Variants in XIRP2 observed in about 807,000 individuals in gnomAD.
XIRP2 encodes the protein xin actin-binding repeat-containing protein 2.
A neutral mutation model predicts 277.0 loss-of-function variants in XIRP2; 236 were observed. The observed-to-expected ratio is 0.85, with a 90% CI of 0.77 to 0.95. The LOEUF (loss-of-function observed/expected upper bound fraction) is 0.95. Ranked by LOEUF, XIRP2 falls within the 40% of genes least tolerant of loss-of-function variation. XIRP2 has a pLI of 0.00. For missense variants in XIRP2, 4,640 were observed against 4,157.5 expected (o/e 1.12, Z -3.19); for synonymous variants, 1,490 against 1,416.5 (o/e 1.05, Z -1.17).
chr2:167,054,239 G>T (rs1202938154), intron 2 of XIRP2, among the ~76,000 whole-genome samples: 1 of 152,086 alleles, frequency 6.6e-6, no homozygotes, highest in Non-Finnish European at 1.5e-5. Context: ...TTTCAACATA[G>T]TTTTTTTCAC....
intron 3 of XIRP2, among the ~76,000 whole-genome samples, chr2:167,151,847 A>C (rs1692025195): frequency 6.6e-6 from 1 of 152,164 alleles, no homozygotes; most frequent in Non-Finnish European, 1.5e-5. Context: ...CTAGGGACAA[A>C]GGAACCATTT....
chr2:167,207,727 A>C (rs1693899340), intron 3 of XIRP2, among the ~76,000 whole-genome samples: 1 of 152,206 alleles, frequency 6.6e-6, no homozygotes. Flanking sequence ...TTAAGAATGT[A>C]GAAATGGGCA....
chr2:167,161,625 C>G (rs988361820), intron 3 of XIRP2, among the ~76,000 whole-genome samples: 1 of 152,212 alleles, frequency 6.6e-6, no homozygotes, highest in African/African-American at 2.4e-5. Flanking sequence ...CCACACACAG[C>G]AAGGGAACCC....
intron 3 of XIRP2, among the ~76,000 whole-genome samples, chr2:167,139,878 T>C (rs909426394): frequency 1.3e-5 from 2 of 152,212 alleles, no homozygotes; most frequent in African/African-American, 2.4e-5. Context: ...GCTAATTTCA[T>C]TGAATTTTAA....
intron 3 of XIRP2, among the ~76,000 whole-genome samples, chr2:167,146,921 T>G (rs747365677): frequency 2.0e-5 from 3 of 152,108 alleles, no homozygotes; most frequent in Non-Finnish European, 4.4e-5. Context: ...GATAACCAAC[T>G]GCTCAATAGT....
intron 3 of XIRP2, among the ~76,000 whole-genome samples, chr2:167,141,844 G>C (rs1391432934): frequency 6.6e-6 from 1 of 151,930 alleles, no homozygotes; most frequent in African/African-American, 2.4e-5. Flanking sequence ...CTGGGTGACA[G>C]AGCAAGACCC....
chr2:167,081,093 T>C (rs1348831153), intron 2 of XIRP2, among the ~76,000 whole-genome samples: 1 of 152,144 alleles, frequency 6.6e-6, no homozygotes, highest in Non-Finnish European at 1.5e-5. Flanking sequence ...ATAAAATAAC[T>C]ATATATAACT....
At chr2:166,954,721 T>C (rs905852310) in intron 2 of XIRP2, among the ~76,000 whole-genome samples, 2 of 151,928 alleles carry the variant, frequency 1.3e-5, no homozygotes, top group African/African-American at 4.8e-5. Context: ...ATATACACCA[T>C]AGAATACTAC....
intron 4 of XIRP2, among the ~76,000 whole-genome samples, chr2:167,215,749 G>A (rs1694227773): frequency 6.6e-6 from 1 of 152,156 alleles, no homozygotes; most frequent in Non-Finnish European, 1.5e-5. Flanking sequence ...GAGGAGGGAA[G>A]GCTGGCATGG....
intron 3 of XIRP2, among the ~76,000 whole-genome samples, chr2:167,186,780 G>C (rs1468570465): frequency 6.6e-6 from 1 of 150,808 alleles, no homozygotes; most frequent in Non-Finnish European, 1.5e-5. Flanking sequence ...ATTCTCTCTA[G>C]AATTCCTTTC....
At chr2:167,026,529 G>T (rs1688165724) in intron 2 of XIRP2, among the ~76,000 whole-genome samples, 1 of 152,096 alleles carries the variant, frequency 6.6e-6, no homozygotes, top group Admixed American at 6.6e-5. Flanking sequence ...CTCATTAGTT[G>T]ATGCAGTTTC....
In XIRP2 at chr2:167,251,089, G is replaced by A; in HGVS notation, c.9697G>A (p.Asp3233Asn). 6.2e-7 allele frequency: 1 copy of A among 1,613,560 alleles called. No individual in the cohort carries two copies. Among genetic ancestry groups the A allele is most frequent in the Non-Finnish European group, 8.5e-7 (1 of 1,179,740 alleles). Residue 3233 changes from aspartate (D) to asparagine (N), a missense_variant, in exon 9 of 11, where the codon GAC (aspartate) becomes AAC (asparagine). Physicochemically the swap from Asp to Asn is conservative, Grantham distance 23. Coordinates refer to ENST00000409195, the MANE Select transcript of XIRP2 (RefSeq NM_152381.6). ...RQIKIETRGR[D>N]SPPTITIPVN... ...AATTAAGATAGAAACTCGTGGTAGG[G>A]ACTCTCCACCTACAATCACAATACC...
chr2:167,244,099 G>A lies in XIRP2; in HGVS notation c.2707G>A (p.Glu903Lys), dbSNP rs1291894100. The change falls in exon 9 of 11, where the codon GAA (glutamate) becomes AAA (lysine). Residue 903 changes from glutamate to lysine, a missense_variant. Physicochemically the swap from Glu to Lys is moderately conservative, Grantham distance 56. Transcript: ENST00000409195. ...AAAGCTTCAAAAAATCACTGCCTCT[G>A]AAGAAGAAAAAGGGGATGTTAGGCA... ...IGKLQKITAS[E>K]EEKGDVRHQK... 1.2e-6 allele frequency: 2 copies of A among 1,613,928 alleles called. No homozygotes were observed. Among genetic ancestry groups the A allele is most frequent in the East Asian group, 4.5e-5 (2 of 44,850 alleles).
chr2:166,937,885 A>G (rs1186240448), intron 2 of XIRP2, among the ~76,000 whole-genome samples: 1 of 152,066 alleles, frequency 6.6e-6, no homozygotes, highest in African/African-American at 2.4e-5. Flanking sequence ...ATTTGTATAG[A>G]GGTGTTTATA....
intron 2 of XIRP2, among the ~76,000 whole-genome samples, chr2:167,129,031 T>C (rs1691297935): frequency 6.6e-6 from 1 of 152,122 alleles, no homozygotes; most frequent in Admixed American, 6.5e-5. Flanking sequence ...ATATTTTTAA[T>C]ACATAGTGGG....
chr2:167,211,982 A>C (rs759574888), intron 4 of XIRP2, among the ~76,000 whole-genome samples: 3 of 152,202 alleles, frequency 2.0e-5, no homozygotes, highest in Non-Finnish European at 4.4e-5. Context: ...AAAGAGAGAG[A>C]GAGAAAAGCC....
intron 3 of XIRP2, among the ~76,000 whole-genome samples, chr2:167,173,956 G>A (rs1692768386): frequency 6.6e-6 from 1 of 152,152 alleles, no homozygotes; most frequent in Non-Finnish European, 1.5e-5. Context: ...GCATCCCAGG[G>A]ATGAAGCCAA....
chr2:167,001,696 C>T (rs898571363), intron 2 of XIRP2, among the ~76,000 whole-genome samples: 2 of 152,026 alleles, frequency 1.3e-5, no homozygotes, highest in East Asian at 1.9e-4. Flanking sequence ...TTTGTAAGTG[C>T]CCCTAGTACA....
intron 2 of XIRP2, among the ~76,000 whole-genome samples, chr2:166,979,286 A>G (rs114976956): frequency 0.038 from 5,731 of 152,106 alleles, 148 homozygotes; most frequent in Non-Finnish European, 0.059. Flanking sequence ...TTCCCAATTA[A>G]GGTTAACTCT....
Sources: gnomAD v4.1 joint callset for allele counts (sites outside exome capture counted in the v4.1 genomes callset) on GRCh38, gnomAD v4.1.1 for gene constraint, MANE v1.5 for transcripts, NCBI Gene and HGNC (gene_info 2026-07-23, HGNC 2026-07-21) for gene names.